The following ACSM1 variants were observed in gnomAD, a reference collection of about 807,000 sequenced individuals.
ACSM1 encodes acyl-CoA synthetase medium chain family member 1.
Under a neutral mutation model 75.8 loss-of-function variants are expected in ACSM1, and 79 were observed. The ratio of observed to expected loss-of-function variants is 1.04; its 90% confidence interval spans 0.87 to 1.26. The LOEUF (loss-of-function observed/expected upper bound fraction) is 1.26, where lower values mean the gene tolerates loss of function less well. Ranked by LOEUF, ACSM1 falls within the 50% of genes most tolerant of loss-of-function variation. The pLI, the probability that ACSM1 is intolerant of heterozygous loss-of-function variation, is 0.00. For synonymous variants in ACSM1, 279 were observed against 265.8 expected (o/e 1.05, Z -0.48); for missense variants, 676 against 720.1 (o/e 0.94, Z 0.70).
At chr16:20,643,168 T>G (rs769016286) in intron 7 of ACSM1, among the ~76,000 whole-genome samples, 25 of 151,976 alleles carry the variant, frequency 1.6e-4, no homozygotes, top group Non-Finnish European at 2.8e-4. Context: ...CTCTGAAGAG[T>G]TGGGGGTTGT....
At chr16:20,640,428 T>C in intron 8 of ACSM1, 33 bp downstream of exon 8, 1 of 1,612,638 alleles carries the variant, frequency 6.2e-7, no homozygotes, top group African/African-American at 1.3e-5. Flanking sequence ...AATTGAGACC[T>C]GTCTCAGACA....
At chr16:20,638,812 C>T (rs1300380767) in intron 8 of ACSM1, among the ~76,000 whole-genome samples, 3 of 152,204 alleles carry the variant, frequency 2.0e-5, no homozygotes, top group African/African-American at 7.2e-5. Context: ...ACGTTGCACA[C>T]ATGAGTGAAC....
intron 1 of ACSM1, among the ~76,000 whole-genome samples, chr16:20,692,028 T>A (rs1450168381): frequency 6.6e-6 from 1 of 152,168 alleles, no homozygotes; most frequent in Non-Finnish European, 1.5e-5. Context: ...GTCTTGTTAA[T>A]ATTCTCTGGA....
At chr16:20,678,493 C>T (rs163255) in intron 4 of ACSM1, among the ~76,000 whole-genome samples, 25,359 of 152,060 alleles carry the variant, frequency 0.17, 2,704 homozygotes, top group African/African-American at 0.31. Context: ...TGAACTTCAC[C>T]GAATTACCCT....
chr16:20,649,119 T>C (rs2018509951), intron 7 of ACSM1, among the ~76,000 whole-genome samples: 1 of 152,170 alleles, frequency 6.6e-6, no homozygotes, highest in Non-Finnish European at 1.5e-5. Context: ...AGTGAACCTT[T>C]AGGGGTCCAA....
chr16:20,683,715 C>CTCTCTTTCTT (rs1555477280), intron 3 of ACSM1, among the ~76,000 whole-genome samples: 17 of 136,380 alleles, frequency 1.2e-4, no homozygotes, highest in South Asian at 1.2e-3. Flanking sequence ...CTCTCTCTCT[C>CTCTCTTTCTT]TCTTTCTTTC....
At chr16:20,690,928 T>C in intron 2 of ACSM1, 69 bp downstream of exon 2, 1 of 1,486,506 alleles carries the variant, frequency 6.7e-7, no homozygotes, top group Non-Finnish European at 9.1e-7. Context: ...CCTTTCAGCC[T>C]AGTAGGAGCA....
intron 3 of ACSM1, among the ~76,000 whole-genome samples, chr16:20,684,879 G>T (rs1411886528): frequency 6.6e-6 from 1 of 152,170 alleles, no homozygotes; most frequent in Non-Finnish European, 1.5e-5. Context: ...ATGAGACAAA[G>T]TTTGGCACTG....
chr16:20,626,697 G>GT (rs1189789671), intron 11 of ACSM1, among the ~76,000 whole-genome samples: 3 of 151,534 alleles, frequency 2.0e-5, no homozygotes, highest in Non-Finnish European at 4.4e-5. Context: ...AATAGTTACA[G>GT]TAAATAATAT....
chr16:20,638,076 GA>G (rs1901161063), intron 8 of ACSM1, among the ~76,000 whole-genome samples: 1 of 152,152 alleles, frequency 6.6e-6, no homozygotes, highest in Non-Finnish European at 1.5e-5. Context: ...TGATGAACTT[GA>G]TTCCTCCTTT....
chr16:20,635,860 C>A (rs941248102), intron 10 of ACSM1, among the ~76,000 whole-genome samples: 5 of 152,048 alleles, frequency 3.3e-5, no homozygotes, highest in African/African-American at 1.2e-4. Context: ...AGGCTGGTTT[C>A]GAACTCCTGA....
intron 6 of ACSM1, among the ~76,000 whole-genome samples, chr16:20,663,153 C>T (rs990079253): frequency 6.6e-6 from 1 of 152,192 alleles, no homozygotes; most frequent in African/African-American, 2.4e-5. Context: ...CCCCTTGTGG[C>T]CTCTGGAATG....
At chr16:20,666,889 C>A (rs1445450592) in intron 6 of ACSM1, among the ~76,000 whole-genome samples, 1 of 152,074 alleles carries the variant, frequency 6.6e-6, no homozygotes, top group Non-Finnish European at 1.5e-5. Flanking sequence ...AACTGGCTAG[C>A]CATATGTAGC....
intron 1 of ACSM1, among the ~76,000 whole-genome samples, chr16:20,693,882 T>A (rs1390410009): frequency 6.6e-6 from 1 of 152,214 alleles, no homozygotes; most frequent in Non-Finnish European, 1.5e-5. Flanking sequence ...AAGACTTTCC[T>A]CCCCATCTAA....
chr16:20,626,899 C>T (rs2016955822), intron 11 of ACSM1, among the ~76,000 whole-genome samples: 1 of 151,976 alleles, frequency 6.6e-6, no homozygotes, highest in Non-Finnish European at 1.5e-5. Context: ...CTATGGAGAC[C>T]AAGACAGAGT....
chr16:20,627,386 C>T (rs1161611661), intron 10 of ACSM1, 70 bp from the exon 11 acceptor site: 2 of 1,470,594 alleles, frequency 1.4e-6, no homozygotes, highest in Admixed American at 5.2e-5. Context: ...ACCTTGGGTT[C>T]CAATCTGGGT....
chr16:20,693,935 A>G (rs1320338301), intron 1 of ACSM1, among the ~76,000 whole-genome samples: 1 of 152,274 alleles, frequency 6.6e-6, no homozygotes, highest in Non-Finnish European at 1.5e-5. Context: ...AAATTTATTC[A>G]AAGTCCTGTG....
chr16:20,688,570 T>A (rs2079595584), intron 2 of ACSM1, among the ~76,000 whole-genome samples: 1 of 152,122 alleles, frequency 6.6e-6, no homozygotes, highest in South Asian at 2.1e-4. Context: ...AATAAGATTA[T>A]CAGTGGATTT....
intron 12 of ACSM1, among the ~76,000 whole-genome samples, chr16:20,624,865 C>T (rs569508855): frequency 6.6e-6 from 1 of 151,860 alleles, no homozygotes; most frequent in South Asian, 2.1e-4. Flanking sequence ...CACCCACCTG[C>T]CCCCACCACA....
Sources: gnomAD v4.1 joint callset for allele counts (sites outside exome capture counted in the v4.1 genomes callset) on GRCh38, gnomAD v4.1.1 for gene constraint, MANE v1.5 for transcripts, NCBI Gene and HGNC (gene_info 2026-07-23, HGNC 2026-07-21) for gene names.